The following PCDH9 variants were observed in gnomAD, a reference collection of about 807,000 sequenced individuals.
PCDH9 encodes protocadherin 9.
PCDH9 carries 24 observed loss-of-function variants against 70.6 expected under a neutral mutation model. That is an observed-to-expected ratio of 0.34 (90% CI 0.25 to 0.48). PCDH9 has a LOEUF of 0.48. Among genes scored for constraint, PCDH9 ranks in the 20% least tolerant of loss-of-function variants. The pLI is 0.99. For synonymous variants in PCDH9, 562 were observed against 558.5 expected, an observed-to-expected ratio of 1.01 and a Z score of -0.09; for missense variants, 1,281 against 1,503.6, an observed-to-expected ratio of 0.85 and a Z score of 2.45.
At chr13:66,507,761 G>A (rs376486382) in intron 4 of PCDH9, among the ~76,000 whole-genome samples, 11 of 151,734 alleles carry the variant, frequency 7.2e-5, no homozygotes, top group East Asian at 5.8e-4. Flanking sequence ...TTGCTCTGGC[G>A]CCCAGGCTGG....
At chr13:66,842,074 G>C (rs1594133851) in intron 3 of PCDH9, among the ~76,000 whole-genome samples, 1 of 152,122 alleles carries the variant, frequency 6.6e-6, no homozygotes, top group Admixed American at 6.6e-5. Context: ...GAATTTAATA[G>C]GAATATTAGC....
At position 67,034,239 on chromosome 13, in the gene PCDH9, T is replaced by A. The variant is rs184355852; in HGVS notation, c.3037-130634A>T. Among the ~76,000 whole-genome samples, 559 of 152,210 alleles carry A rather than the reference T, an allele frequency of 3.7e-3. 8 individuals are homozygous for A. The highest frequency in any genetic ancestry group is 5.3e-3 in the Non-Finnish European group (361 of 67,998). ...ACCTTGTTATCCACCCACCTCAGCC[T>A]CCCAAAGTGCTGGGATTACAGGCAT... On this transcript the variant is annotated intron_variant, in intron 2 of 4. Transcript: ENST00000377865.
At chr13:66,839,294 T>G (rs1237650331) in intron 3 of PCDH9, among the ~76,000 whole-genome samples, 1 of 152,180 alleles carries the variant, frequency 6.6e-6, no homozygotes, top group African/African-American at 2.4e-5. Flanking sequence ...TCTCTAGATA[T>G]CTCAACAGAA....
At chr13:67,133,366 A>G (rs1405853837) in intron 2 of PCDH9, among the ~76,000 whole-genome samples, 1 of 152,138 alleles carries the variant, frequency 6.6e-6, no homozygotes, top group Non-Finnish European at 1.5e-5. Flanking sequence ...AGGCCCCATA[A>G]TAAAATATGC....
intron 2 of PCDH9, among the ~76,000 whole-genome samples, chr13:67,042,662 T>C (rs1340817132): frequency 6.6e-6 from 1 of 152,202 alleles, no homozygotes; most frequent in Non-Finnish European, 1.5e-5. Flanking sequence ...TTTCTTACTA[T>C]TCATTCAAAA....
chr13:66,494,324 A>G, intron 4 of PCDH9, among the ~76,000 whole-genome samples: 1 of 152,214 alleles, frequency 6.6e-6, no homozygotes, highest in South Asian at 2.1e-4. Context: ...TTGACAAGAT[A>G]CTGAAACATT....
At chr13:66,507,507 A>G (rs1320365581) in intron 4 of PCDH9, among the ~76,000 whole-genome samples, 1 of 152,052 alleles carries the variant, frequency 6.6e-6, no homozygotes, top group Non-Finnish European at 1.5e-5. Flanking sequence ...GTATGTTTGT[A>G]GCTGTTGTTT....
intron 3 of PCDH9, among the ~76,000 whole-genome samples, chr13:66,632,528 C>T (rs560377688): frequency 6.6e-6 from 1 of 152,302 alleles, no homozygotes; most frequent in South Asian, 2.1e-4. Flanking sequence ...ATGTCACTCT[C>T]AGATGTGACC....
intron 2 of PCDH9, among the ~76,000 whole-genome samples, chr13:67,133,357 G>A (rs1262788158): frequency 2.6e-5 from 4 of 152,000 alleles, no homozygotes; most frequent in Non-Finnish European, 4.4e-5. Context: ...TTATAACTGA[G>A]GCCCCATAAT....
intron 4 of PCDH9, among the ~76,000 whole-genome samples, chr13:66,409,402 C>G (rs1957334795): frequency 6.6e-6 from 1 of 152,094 alleles, no homozygotes; most frequent in African/African-American, 2.4e-5. Context: ...TGTCCTCCCC[C>G]TTTTTTCCCT....
At chr13:66,452,317 T>A (rs1958230440) in intron 4 of PCDH9, among the ~76,000 whole-genome samples, 2 of 152,148 alleles carry the variant, frequency 1.3e-5, no homozygotes, top group African/African-American at 4.8e-5. Context: ...TTATGCTCAA[T>A]AGATCCAAAG....
At chr13:66,396,321 T>C (rs1957100893) in intron 4 of PCDH9, among the ~76,000 whole-genome samples, 1 of 152,152 alleles carries the variant, frequency 6.6e-6, no homozygotes, top group African/African-American at 2.4e-5. Context: ...AAAACGTAAA[T>C]TGCTCAAAGA....
intron 4 of PCDH9, among the ~76,000 whole-genome samples, chr13:66,413,868 GC>G (rs1453886126): frequency 6.6e-6 from 1 of 151,946 alleles, no homozygotes; most frequent in African/African-American, 2.4e-5. Flanking sequence ...AAAATGTATG[GC>G]CTCTAAGCAC....
At chr13:66,912,984 G>A (rs1178984432) in intron 2 of PCDH9, among the ~76,000 whole-genome samples, 2 of 152,072 alleles carry the variant, frequency 1.3e-5, no homozygotes, top group East Asian at 3.8e-4. Flanking sequence ...TGTTAGCCTT[G>A]GCTATGTGCA....
At chr13:66,916,010 G>A (rs964299944) in intron 2 of PCDH9, among the ~76,000 whole-genome samples, 2 of 151,408 alleles carry the variant, frequency 1.3e-5, no homozygotes, top group African/African-American at 4.8e-5. Context: ...GAGTTGAAAG[G>A]GGCATTACAG....
intron 2 of PCDH9, among the ~76,000 whole-genome samples, chr13:66,942,500 T>G (rs1179268671): frequency 1.3e-5 from 2 of 151,942 alleles, no homozygotes; most frequent in East Asian, 3.9e-4. Flanking sequence ...TGCTACAGAT[T>G]CTGTAGATAA....
chr13:66,839,422 G>C (rs1157917718), intron 3 of PCDH9, among the ~76,000 whole-genome samples: 1 of 152,126 alleles, frequency 6.6e-6, no homozygotes, highest in Non-Finnish European at 1.5e-5. Flanking sequence ...TCAGGCTACA[G>C]ATACCTAGGT....
At chr13:67,080,584 G>A (rs1244022697) in intron 2 of PCDH9, among the ~76,000 whole-genome samples, 1 of 152,188 alleles carries the variant, frequency 6.6e-6, no homozygotes, top group Non-Finnish European at 1.5e-5. Context: ...GAGCTGTTAA[G>A]GTTCAATGTG....
At chr13:67,194,857 C>A (rs71427640) in intron 2 of PCDH9, among the ~76,000 whole-genome samples, 16,544 of 151,930 alleles carry the variant, frequency 0.11, 1,109 homozygotes, top group South Asian at 0.17. Context: ...AGGAACAAAA[C>A]AAAATAAAAC....
Sources: allele counts gnomAD v4.1 joint callset (sites outside exome capture counted in the v4.1 genomes callset), GRCh38; gene constraint gnomAD v4.1.1; transcripts MANE v1.5; gene names NCBI Gene and HGNC (gene_info 2026-07-23, HGNC 2026-07-21).